The following ARHGAP42 variants were observed in gnomAD, a reference collection of about 807,000 sequenced individuals.
ARHGAP42 encodes rho GTPase-activating protein 42.
In ARHGAP42, 63 loss-of-function variants were observed where a neutral mutation model predicts 125.0. The observed-to-expected ratio is 0.50, with a 90% CI of 0.41 to 0.62. The LOEUF is 0.62. Among genes scored for constraint, ARHGAP42 ranks in the 20% least tolerant of loss-of-function variants. The pLI, the probability that ARHGAP42 is intolerant of heterozygous loss-of-function variation, is 0.00. For missense variants in ARHGAP42, 766 were observed against 1,024.2 expected (o/e 0.75, Z 3.44); for synonymous variants, 339 against 351.0 (o/e 0.97, Z 0.38).
chr11:100,964,474 G>C (rs12362043), intron 16 of ARHGAP42, among the ~76,000 whole-genome samples: 35,646 of 152,062 alleles, frequency 0.23, 4,702 homozygotes, highest in Middle Eastern at 0.36. Context: ...CTCATGTTTA[G>C]CCTGAGCCAG....
intron 7 of ARHGAP42, among the ~76,000 whole-genome samples, chr11:100,934,387 A>C (rs1171122376): frequency 2.0e-5 from 3 of 152,180 alleles, no homozygotes; most frequent in Admixed American, 6.5e-5. Context: ...CCTGAAAAAA[A>C]AATAAGAAAA....
At chr11:100,914,466 T>A (rs1057405007) in intron 5 of ARHGAP42, among the ~76,000 whole-genome samples, 4 of 150,264 alleles carry the variant, frequency 2.7e-5, no homozygotes, top group Non-Finnish European at 5.9e-5. Context: ...CCAAAAAAAA[T>A]AAATAAATAA....
chr11:100,744,570 TTG>T (rs1211141266), intron 1 of ARHGAP42, among the ~76,000 whole-genome samples: 1 of 150,858 alleles, frequency 6.6e-6, no homozygotes, highest in Non-Finnish European at 1.5e-5. Context: ...GTGTGCGTGC[TTG>T]TGTGTGTGTT....
chr11:100,974,851 A>G (rs1176121265), intron 19 of ARHGAP42, among the ~76,000 whole-genome samples: 1 of 152,112 alleles, frequency 6.6e-6, no homozygotes, highest in African/African-American at 2.4e-5. Context: ...AACTGTGATT[A>G]AGTACATTGG....
intron 4 of ARHGAP42, among the ~76,000 whole-genome samples, chr11:100,911,056 C>T (rs550189307): frequency 2.0e-4 from 31 of 152,320 alleles, no homozygotes; most frequent in Non-Finnish European, 4.3e-4. Context: ...AAACCAGTTT[C>T]TTCCTCTTCT....
chr11:100,828,784 C>T (rs1031696921), intron 3 of ARHGAP42, among the ~76,000 whole-genome samples: 2 of 151,616 alleles, frequency 1.3e-5, no homozygotes, highest in Admixed American at 6.6e-5. Context: ...AACACCTGTG[C>T]TCAAGTGATC....
chr11:100,893,158 G>GTGTGTGTGT (rs1555018919), intron 4 of ARHGAP42, among the ~76,000 whole-genome samples: 4 of 147,090 alleles, frequency 2.7e-5, no homozygotes, highest in East Asian at 2.1e-4. Context: ...AACATTTAGG[G>GTGTGTGTGT]GTGTGTGTGT....
Position 100,949,930 on chromosome 11 carries a change from C to A in ARHGAP42, c.1136C>A (p.Pro379His). 1 of 1,477,542 alleles carries A rather than the reference C, an allele frequency of 6.8e-7. No individual in the cohort carries two copies. The highest frequency in any genetic ancestry group is 9.2e-7 in the Non-Finnish European group (1 of 1,089,352). The allele number at this position is 1,477,542 out of a possible 1,614,324, so 91.5% of individuals were successfully genotyped here. The part of the protein sequence containing the change: ...MDGKEPIYTL[P>H]AIISKKEEMY... ...TTTGTTTTTTAGATTTATACTCTGC[C>A]TGCCATTATAAGCAAGAAAGAAGAA... The change falls in exon 12 of 24, where the codon CCT (proline) becomes CAT (histidine). Residue 379 changes from proline (P) to histidine (H), a missense_variant. Pro to His is a moderately conservative substitution (Grantham distance 77). Transcript: ENST00000298815.
chr11:100,899,295 G>A (rs191864356), intron 4 of ARHGAP42, among the ~76,000 whole-genome samples: 1 of 152,172 alleles, frequency 6.6e-6, no homozygotes, highest in Non-Finnish European at 1.5e-5. Flanking sequence ...GTGCAATCTG[G>A]TGCTGAGAAG....
chr11:100,898,220 A>C (rs1236696826), intron 4 of ARHGAP42, among the ~76,000 whole-genome samples: 3 of 152,058 alleles, frequency 2.0e-5, no homozygotes, highest in African/African-American at 7.2e-5. Context: ...AAGCTTTTTG[A>C]TGTGCTGCTG....
chr11:100,965,639 C>A, intron 16 of ARHGAP42, 32 bp from the exon 17 acceptor site: 1 of 1,516,862 alleles, frequency 6.6e-7, no homozygotes, highest in Non-Finnish European at 9.0e-7. Flanking sequence ...GGAATTAAAA[C>A]TTGAGCATTT....
chr11:100,825,456 A>T (rs1864492327), intron 3 of ARHGAP42, among the ~76,000 whole-genome samples: 1 of 152,360 alleles, frequency 6.6e-6, no homozygotes, highest in Admixed American at 6.5e-5. Flanking sequence ...TGTTTTGTTT[A>T]TATCAGCCAT....
intron 1 of ARHGAP42, among the ~76,000 whole-genome samples, chr11:100,755,292 C>G (rs1240356128): frequency 3.9e-5 from 6 of 152,178 alleles, no homozygotes; most frequent in Admixed American, 2.6e-4. Flanking sequence ...TCATAAAAGT[C>G]ATTGACCTTG....
intron 4 of ARHGAP42, among the ~76,000 whole-genome samples, chr11:100,899,142 T>G (rs1028894680): frequency 2.6e-5 from 4 of 152,238 alleles, no homozygotes; most frequent in Non-Finnish European, 4.4e-5. Flanking sequence ...TTCCACGTAG[T>G]TGTGCAGTTT....
intron 17 of ARHGAP42, among the ~76,000 whole-genome samples, chr11:100,972,614 C>T (rs886552765): frequency 2.6e-5 from 4 of 152,172 alleles, no homozygotes; most frequent in African/African-American, 9.6e-5. Context: ...AAGGAACCCA[C>T]TGACTTGCAG....
chr11:100,864,165 A>G (rs1403859599), intron 4 of ARHGAP42, among the ~76,000 whole-genome samples: 1 of 151,796 alleles, frequency 6.6e-6, no homozygotes, highest in South Asian at 2.1e-4. Context: ...TCTGAAGTAT[A>G]GATAGAGCTC....
intron 3 of ARHGAP42, among the ~76,000 whole-genome samples, chr11:100,838,245 G>A (rs682031): frequency 0.83 from 126,149 of 151,910 alleles, 52,780 homozygotes; most frequent in East Asian, 0.96. Flanking sequence ...ATTACTGTTG[G>A]TGTAAACTTT....
intron 2 of ARHGAP42, among the ~76,000 whole-genome samples, chr11:100,779,457 A>AT (rs1164174020): frequency 5.4e-5 from 4 of 74,310 alleles, no homozygotes; most frequent in Admixed American, 1.9e-4. Flanking sequence ...AAAAAAAAAA[A>AT]AAAAAAAAAA....
chr11:100,742,285 TTCC>T (rs1408968520), intron 1 of ARHGAP42, among the ~76,000 whole-genome samples: 3 of 152,186 alleles, frequency 2.0e-5, no homozygotes, highest in Non-Finnish European at 4.4e-5. Flanking sequence ...CTTCCTTCAT[TTCC>T]TTGGAAAGTT....
Sources: gnomAD v4.1 joint callset for allele counts (sites outside exome capture counted in the v4.1 genomes callset) on GRCh38, gnomAD v4.1.1 for gene constraint, MANE v1.5 for transcripts, NCBI Gene and HGNC (gene_info 2026-07-23, HGNC 2026-07-21) for gene names.